EFCAB3: variants seen among roughly 807,000 people sequenced by gnomAD.
The protein encoded by EFCAB3 is EF-hand calcium binding domain 3.
A neutral mutation model predicts 42.2 loss-of-function variants in EFCAB3; 36 were observed. The ratio of observed to expected loss-of-function variants is 0.85; its 90% CI spans 0.65 to 1.13. The LOEUF (loss-of-function observed/expected upper bound fraction) is 1.13, where lower values mean the gene tolerates loss of function less well. EFCAB3 is among the 50% of genes most tolerant of loss of function. EFCAB3 has a pLI of 0.00. For synonymous variants in EFCAB3, 170 were observed against 172.8 expected, an observed-to-expected ratio of 0.98 and a Z score of 0.13; for missense variants, 418 against 505.1, an observed-to-expected ratio of 0.83 and a Z score of 1.65.
chr17:62,392,151 A>AAT (rs1186087464), intron 4 of EFCAB3, among the ~76,000 whole-genome samples, 186 bp downstream of exon 4: 1 of 148,970 alleles, frequency 6.7e-6, no homozygotes, highest in Admixed American at 6.8e-5. Flanking sequence ...ATATAGTACA[A>AAT]ATATATATAT....
upstream of EFCAB3, among the ~76,000 whole-genome samples, chr17:62,379,740 C>A (rs1313709934): frequency 2.0e-5 from 3 of 152,132 alleles, no homozygotes; most frequent in Non-Finnish European, 4.4e-5. Flanking sequence ...AGACTAAAGA[C>A]ACTCCTAACT....
chr17:62,416,038 T>C lies in EFCAB3; in HGVS notation c.1026T>C (p.Ile342=). 1 of 1,613,674 alleles carries C rather than the reference T, an allele frequency of 6.2e-7. No individual in the cohort carries two copies. The highest frequency in any genetic ancestry group is 8.5e-7 in the Non-Finnish European group (1 of 1,179,770). The part of the protein sequence containing the change: ...KRATDTYNLG[I]ALEHRKEMLN... ...CTACTGATACCTATAATTTAGGAAT[T>C]GCCCTTGAACACCGAAAAGAGATGC... The change falls in exon 10 of 10, where the codon ATT becomes ATC. Residue 342 remains isoleucine (I), a synonymous_variant. Transcript: ENST00000305286.
chr17:62,391,535 T>C (rs1237874540), intron 3 of EFCAB3, among the ~76,000 whole-genome samples: 1 of 152,162 alleles, frequency 6.6e-6, no homozygotes, highest in Non-Finnish European at 1.5e-5. Context: ...AAGTCCCTTT[T>C]GCCATGTAAG....
intron 1 of EFCAB3, among the ~76,000 whole-genome samples, chr17:62,373,405 G>T (rs552726595): frequency 3.1e-4 from 47 of 151,826 alleles, no homozygotes; most frequent in African/African-American, 1.1e-3. Context: ...TTGAGGCCAA[G>T]AGTTCAAGAC....
chr17:62,380,913 C>T (rs2070191335), intron 1 of EFCAB3: 1 of 152,250 alleles, frequency 6.6e-6, no homozygotes, highest in Middle Eastern at 3.4e-3. Context: ...TTTTTTTCCT[C>T]ATGGTTGGAT....
chr17:62,385,329 A>G (rs1462331434), intron 2 of EFCAB3, among the ~76,000 whole-genome samples: 1 of 152,106 alleles, frequency 6.6e-6, no homozygotes, highest in East Asian at 1.9e-4. Context: ...TATAGTTCCA[A>G]TTACTCAGGA....
At chr17:62,398,066 G>A in intron 6 of EFCAB3, 1 of 304,722 alleles carries the variant, frequency 3.3e-6, no homozygotes. Context: ...CCTGGAGTCT[G>A]CTTTAAGGTT....
intron 1 of EFCAB3, chr17:62,381,817 G>A (rs878857765): frequency 1.4e-5 from 6 of 433,380 alleles, no homozygotes; most frequent in Admixed American, 2.5e-5. Context: ...AATGGAAAAA[G>A]CATTGAAGAT....
intron 3 of EFCAB3, among the ~76,000 whole-genome samples, chr17:62,390,771 C>A (rs1365784195): frequency 6.6e-6 from 1 of 152,224 alleles, no homozygotes; most frequent in African/African-American, 2.4e-5. Flanking sequence ...ACTTACAGAG[C>A]AGGTATCGTT....
chr17:62,401,294 T>C (rs1226819540), intron 6 of EFCAB3, among the ~76,000 whole-genome samples: 1 of 152,242 alleles, frequency 6.6e-6, no homozygotes. Flanking sequence ...TTAGTTCAAT[T>C]AGATCCCATT....
intron 7 of EFCAB3, 57 bp downstream of exon 7, chr17:62,406,730 G>C: frequency 6.3e-7 from 1 of 1,577,766 alleles, no homozygotes; most frequent in Non-Finnish European, 8.6e-7. Flanking sequence ...TATATGACTG[G>C]TCAGAAAGAA....
chr17:62,370,520 G>A (rs557908807), intron 1 of EFCAB3, among the ~76,000 whole-genome samples: 1 of 152,110 alleles, frequency 6.6e-6, no homozygotes, highest in African/African-American at 2.4e-5. Context: ...ACTGGGCGTG[G>A]TGGTGGGCAC....
At chr17:62,379,096 A>C (rs577881653), upstream of EFCAB3, among the ~76,000 whole-genome samples, 7 of 152,264 alleles carry the variant, frequency 4.6e-5, no homozygotes, top group East Asian at 1.3e-3. Flanking sequence ...ATTGATAAGG[A>C]TCTAGTCTCC....
chr17:62,394,815 T>C (rs1303086146), intron 5 of EFCAB3, among the ~76,000 whole-genome samples: 1 of 152,188 alleles, frequency 6.6e-6, no homozygotes, highest in East Asian at 1.9e-4. Flanking sequence ...TAACACAAAA[T>C]TCATGTTTGT....
At chr17:62,411,856 AGAAG>A (rs1179394697) in intron 8 of EFCAB3, among the ~76,000 whole-genome samples, 1,151 of 56,152 alleles carry the variant, frequency 0.02, 26 homozygotes, top group African/African-American at 0.062. Flanking sequence ...AAGGAAGGAA[AGAAG>A]GAAGGAAGGA....
chr17:62,398,760 A>T (rs377012388), intron 6 of EFCAB3, among the ~76,000 whole-genome samples: 27 of 152,268 alleles, frequency 1.8e-4, no homozygotes, highest in East Asian at 1.5e-3. Flanking sequence ...AGTCAGAAAT[A>T]TGTGGATATT....
intron 9 of EFCAB3, 118 bp downstream of exon 9, chr17:62,413,972 A>T (rs1467164769): frequency 4.2e-6 from 5 of 1,198,596 alleles, no homozygotes; most frequent in Non-Finnish European, 2.3e-6. Flanking sequence ...AAAATGAGAC[A>T]AGGTTGTTTC....
intron 1 of EFCAB3, among the ~76,000 whole-genome samples, chr17:62,382,762 G>A (rs1482747383): frequency 6.6e-6 from 1 of 152,162 alleles, no homozygotes; most frequent in Non-Finnish European, 1.5e-5. Context: ...AAGCAACTTT[G>A]CTCAGAAATC....
intron 3 of EFCAB3, among the ~76,000 whole-genome samples, chr17:62,389,879 C>T (rs1406860085): frequency 1.3e-5 from 2 of 151,984 alleles, no homozygotes; most frequent in African/African-American, 2.4e-5. Flanking sequence ...CTCCGCCTCC[C>T]AGGTTCACGC....
Sources: gnomAD v4.1 joint callset for allele counts (sites outside exome capture counted in the v4.1 genomes callset) on GRCh38, gnomAD v4.1.1 for gene constraint, MANE v1.5 for transcripts, NCBI Gene and HGNC (gene_info 2026-07-23, HGNC 2026-07-21) for gene names.